The following PIK3R1 variants were observed in gnomAD, a reference collection of about 807,000 sequenced individuals.
The protein encoded by PIK3R1 is phosphoinositide-3-kinase regulatory subunit 1.
A neutral mutation model predicts 98.0 loss-of-function variants in PIK3R1; 29 were observed. The ratio of observed to expected loss-of-function variants is 0.30; its 90% CI spans 0.22 to 0.40. PIK3R1 has a LOEUF of 0.40. PIK3R1 is among the 10% of genes least tolerant of loss of function. PIK3R1 has a pLI of 1.00. For missense variants in PIK3R1, 596 were observed against 872.7 expected (o/e 0.68, Z 3.99); for synonymous variants, 282 against 311.8 (o/e 0.90, Z 1.01).
intron 2 of PIK3R1, among the ~76,000 whole-genome samples, chr5:68,252,118 G>T (rs905574080): frequency 6.6e-6 from 1 of 152,160 alleles, no homozygotes; most frequent in South Asian, 2.1e-4. Context: ...GATGAAAAAG[G>T]TTGGCCCCTT....
At chr5:68,297,133 C>T (rs1195808576) in intron 15 of PIK3R1, among the ~76,000 whole-genome samples, 1 of 152,202 alleles carries the variant, frequency 6.6e-6, no homozygotes, top group Non-Finnish European at 1.5e-5. Flanking sequence ...GGCATTCTAT[C>T]TAGCATTTTG....
chr5:68,279,857 A>G (rs1746753651), intron 5 of PIK3R1, 124 bp downstream of exon 5: 4 of 870,916 alleles, frequency 4.6e-6, no homozygotes, highest in Non-Finnish European at 7.0e-6. Flanking sequence ...CCCTCCCCCA[A>G]CAATACCACC....
At chr5:68,290,974 A>C (rs1267445051) in intron 7 of PIK3R1, 1 of 594,078 alleles carries the variant, frequency 1.7e-6, no homozygotes, top group African/African-American at 1.9e-5. Context: ...CTCATGGCTT[A>C]AAAATTAAAC....
intron 2 of PIK3R1, among the ~76,000 whole-genome samples, chr5:68,262,680 T>C (rs1346235494): frequency 2.5e-5 from 1 of 40,802 alleles, no homozygotes; most frequent in Non-Finnish European, 5.0e-5. Flanking sequence ...TAGATACATG[T>C]ATCTGCATGT....
At chr5:68,231,360 G>A (rs1308279847) in intron 2 of PIK3R1, among the ~76,000 whole-genome samples, 1 of 152,208 alleles carries the variant, frequency 6.6e-6, no homozygotes, top group Non-Finnish European at 1.5e-5. Flanking sequence ...GTGGATTTCA[G>A]CTGGTTTCAA....
At chr5:68,280,854 C>T in intron 6 of PIK3R1, 73 bp from the exon 7 acceptor site, 2 of 1,240,488 alleles carry the variant, frequency 1.6e-6, no homozygotes, top group Non-Finnish European at 2.3e-6. Flanking sequence ...CACACACATT[C>T]ACTTGAGTGT....
rs566430597 is a variant in PIK3R1 at position 68,293,988 on chromosome 5, T to G, written c.1425+154T>G. Among the ~76,000 whole-genome samples the G allele has an allele frequency of 1.7e-4, 26 of 152,338 alleles. No homozygotes were observed. In the South Asian group the frequency reaches 5.4e-3, roughly 32 times the overall value. On this transcript the variant is annotated intron_variant, in intron 11 of 15. Transcript: ENST00000521381. The stretch of plus-strand genomic sequence containing the variant: ...CATTGTTGATTATTCTAGTGTAATA[T>G]CTCTAAAGCTTTAAACCAAAAATTT...
intron 1 of PIK3R1, among the ~76,000 whole-genome samples, chr5:68,223,318 A>C (rs1744161066): frequency 6.6e-6 from 1 of 151,688 alleles, no homozygotes; most frequent in Non-Finnish European, 1.5e-5. Context: ...AGGGCTCTCT[A>C]CATCTTATCA....
chr5:68,240,672 CCCCATAA>C (rs1744840885), intron 2 of PIK3R1, among the ~76,000 whole-genome samples: 1 of 152,178 alleles, frequency 6.6e-6, no homozygotes, highest in Non-Finnish European at 1.5e-5. Flanking sequence ...TGTTTTTTAT[CCCCATAA>C]CTGCTTTCGG....
At chr5:68,263,891 C>T (rs1464764076) in intron 2 of PIK3R1, among the ~76,000 whole-genome samples, 1 of 152,136 alleles carries the variant, frequency 6.6e-6, no homozygotes, top group Non-Finnish European at 1.5e-5. Context: ...ATGGATGCTT[C>T]AACTCCCTTC....
In PIK3R1 at chr5:68,295,468, G is replaced by A; in HGVS notation, c.1794G>A (p.Leu598=). ...GVRQKKLNEW[L]GNENTEDQYS... ...GGCAAAAGAAGTTGAACGAGTGGTT[G>A]GGCAATGAAAACACTGAAGAGTAAG... Residue 598 remains leucine, a synonymous_variant, in exon 14 of 16, where the codon TTG becomes TTA. Coordinates refer to ENST00000521381, the MANE Select transcript of PIK3R1 (RefSeq NM_181523.3). 2 of 1,614,092 alleles carry A rather than the reference G, an allele frequency of 1.2e-6. No individual in the cohort carries two copies. Among genetic ancestry groups the A allele is most frequent in the East Asian group, 2.2e-5 (1 of 44,872 alleles).
At chr5:68,223,178 T>G (rs546178874) in intron 1 of PIK3R1, among the ~76,000 whole-genome samples, 1 of 151,150 alleles carries the variant, frequency 6.6e-6, no homozygotes, top group South Asian at 2.1e-4. Context: ...CACCCAATAC[T>G]TAACCGGAGT....
At chr5:68,295,034 G>T in intron 12 of PIK3R1, 114 bp from the exon 13 acceptor site, 1 of 612,952 alleles carries the variant, frequency 1.6e-6, no homozygotes, top group Non-Finnish European at 2.5e-6. Context: ...AGGAAGAGAA[G>T]CCACGCTTTA....
intron 2 of PIK3R1, among the ~76,000 whole-genome samples, chr5:68,266,356 A>G (rs905257313): frequency 5.9e-5 from 9 of 152,186 alleles, no homozygotes; most frequent in Non-Finnish European, 8.8e-5. Flanking sequence ...AGCCAGAGAT[A>G]GTGTGGTTCA....
intron 1 of PIK3R1, among the ~76,000 whole-genome samples, chr5:68,218,637 G>A (rs1743985337): frequency 6.6e-6 from 1 of 152,142 alleles, no homozygotes; most frequent in Non-Finnish European, 1.5e-5. Context: ...GTAGAATATA[G>A]CCAGTTGAGA....
chr5:68,295,008 A>C, intron 12 of PIK3R1, 140 bp from the exon 13 acceptor site: 1 of 484,074 alleles, frequency 2.1e-6, no homozygotes, highest in Non-Finnish European at 3.4e-6. Context: ...CCACTCCAAA[A>C]AAAAAAAAAA....
chr5:68,265,845 A>G (rs1746101364), intron 2 of PIK3R1, among the ~76,000 whole-genome samples: 1 of 152,232 alleles, frequency 6.6e-6, no homozygotes, highest in South Asian at 2.1e-4. Flanking sequence ...GGCGTTCACT[A>G]AACAATTCTT....
rs995162535 is a variant in PIK3R1, at chr5:68,301,536, A to C, written c.*3935A>C. On this transcript the variant is annotated 3_prime_UTR_variant, in exon 16 of 16. Transcript: ENST00000521381. ...TTTAAAAAAATCAAAACAAAAAAAAACTCATTTATACCTGTGTATTTTTTA... is the reference window on the plus strand; with the variant it reads ...TTTAAAAAAATCAAAACAAAAAAAACCTCATTTATACCTGTGTATTTTTTA... 1.3e-4 allele frequency: 20 copies of C among 152,436 alleles called. No individual in the cohort carries two copies. The highest frequency in any genetic ancestry group is 6.0e-3 in the Middle Eastern group (2 of 334). 9.4% of individuals were successfully genotyped at this position (152,436 alleles called of 1,614,324 possible).
intron 3 of PIK3R1, 82 bp from the exon 4 acceptor site, chr5:68,273,857 G>C: frequency 9.8e-7 from 1 of 1,025,280 alleles, no homozygotes; most frequent in Non-Finnish European, 1.5e-6. Context: ...ATGGAAACTG[G>C]AATGTCTCTG....
Sources: allele counts gnomAD v4.1 joint callset (sites outside exome capture counted in the v4.1 genomes callset), GRCh38; gene constraint gnomAD v4.1.1; transcripts MANE v1.5; gene names NCBI Gene and HGNC (gene_info 2026-07-23, HGNC 2026-07-21).